NCKAP5: variants seen among roughly 807,000 people sequenced by gnomAD.
NCKAP5 encodes NCK associated protein 5, also known as nck-associated protein 5.
In NCKAP5, 92 loss-of-function variants were observed where a neutral mutation model predicts 167.0. That is an observed-to-expected ratio of 0.55 (90% CI 0.47 to 0.66). The LOEUF is 0.66. NCKAP5 is among the 30% of genes least tolerant of loss of function. The probability of loss-of-function intolerance (pLI) is 0.00; values close to 1 mark genes in which losing one functional copy is unlikely to be tolerated. For missense variants in NCKAP5, 2,378 were observed against 2,315.0 expected (o/e 1.03, Z -0.56); for synonymous variants, 891 against 877.4 (o/e 1.02, Z -0.27).
At chr2:132,975,605 G>A (rs1188582472) in intron 7 of NCKAP5, among the ~76,000 whole-genome samples, 1 of 152,166 alleles carries the variant, frequency 6.6e-6, no homozygotes, top group Non-Finnish European at 1.5e-5. Flanking sequence ...TTCATTAAAG[G>A]TATGCTCCAG....
At chr2:132,693,341 A>G (rs924445491) in intron 19 of NCKAP5, among the ~76,000 whole-genome samples, 1 of 152,158 alleles carries the variant, frequency 6.6e-6, no homozygotes, top group Non-Finnish European at 1.5e-5. Flanking sequence ...CCTCAATCCA[A>G]TATAACTGGG....
chr2:132,989,162 TGTTA>T (rs2077381589), intron 7 of NCKAP5, among the ~76,000 whole-genome samples: 1 of 152,224 alleles, frequency 6.6e-6, no homozygotes, highest in Non-Finnish European at 1.5e-5. Flanking sequence ...GGTAACCCTT[TGTTA>T]GTTCTGTGAT....
At chr2:133,651,797 C>T in the NCKAP5 span, among the ~76,000 whole-genome samples, 2 of 152,204 alleles carry the variant, frequency 1.3e-5, no homozygotes, top group African/African-American at 4.8e-5. Flanking sequence ...CATGTATACG[C>T]ATTCAATGGA....
At chr2:133,106,868 A>C (rs147806992) in intron 6 of NCKAP5, among the ~76,000 whole-genome samples, 460 of 152,296 alleles carry the variant, frequency 3.0e-3, no homozygotes, top group Non-Finnish European at 5.0e-3. Flanking sequence ...AAGGTCATTA[A>C]GCTCCTTATT....
At chr2:133,297,933 A>T (rs1574634673) in intron 4 of NCKAP5, among the ~76,000 whole-genome samples, 1 of 152,228 alleles carries the variant, frequency 6.6e-6, no homozygotes, top group East Asian at 1.9e-4. Context: ...GCATTTGTTT[A>T]ACTTCAGGCA....
chr2:133,531,950 T>C (rs1254412583), intron 2 of NCKAP5, among the ~76,000 whole-genome samples: 1 of 152,206 alleles, frequency 6.6e-6, no homozygotes, highest in East Asian at 1.9e-4. Flanking sequence ...TATTCTATCC[T>C]ACCTTCTCTC....
the NCKAP5 span, among the ~76,000 whole-genome samples, chr2:133,659,283 C>T: frequency 1.3e-5 from 2 of 152,114 alleles, no homozygotes; most frequent in South Asian, 4.2e-4. Context: ...ACTGGATATC[C>T]ACATGCAAAA....
intron 15 of NCKAP5, 138 bp downstream of exon 15, chr2:132,780,914 C>G: frequency 2.1e-6 from 2 of 944,578 alleles, no homozygotes. Context: ...TCTCTTTTTA[C>G]AAATCCTTTT....
intron 8 of NCKAP5, among the ~76,000 whole-genome samples, chr2:132,955,494 T>A (rs932334949): frequency 6.6e-6 from 1 of 152,194 alleles, no homozygotes; most frequent in Non-Finnish European, 1.5e-5. Context: ...AATTCATTCT[T>A]TTTTATGGCT....
chr2:133,625,097 A>G, the NCKAP5 span, among the ~76,000 whole-genome samples: 19 of 152,342 alleles, frequency 1.2e-4, no homozygotes, highest in African/African-American at 4.3e-4. Context: ...AATTGTTGGT[A>G]TTACATGGTT....
At chr2:133,013,024 T>C (rs1344605921) in intron 6 of NCKAP5, among the ~76,000 whole-genome samples, 1 of 152,186 alleles carries the variant, frequency 6.6e-6, no homozygotes, top group Non-Finnish European at 1.5e-5. Context: ...TCACCCCTTA[T>C]TATGCTTTCC....
the NCKAP5 span, among the ~76,000 whole-genome samples, chr2:133,587,449 G>A: frequency 1.1e-4 from 17 of 152,302 alleles, no homozygotes; most frequent in South Asian, 8.3e-4. Context: ...AGGTGACATC[G>A]GAATGGAAAA....
intron 3 of NCKAP5, among the ~76,000 whole-genome samples, chr2:133,375,464 T>C (rs1686079710): frequency 6.6e-6 from 1 of 152,196 alleles, no homozygotes; most frequent in Non-Finnish European, 1.5e-5. Context: ...CATGGGTACA[T>C]GTGAAGGATG....
chr2:133,323,682 G>A (rs966025850), intron 3 of NCKAP5, among the ~76,000 whole-genome samples: 1 of 152,210 alleles, frequency 6.6e-6, no homozygotes. Flanking sequence ...TGGAGCAGGA[G>A]ATGGGGGCGC....
At chr2:132,802,860 A>G (rs547036008) in intron 11 of NCKAP5, among the ~76,000 whole-genome samples, 26 of 152,338 alleles carry the variant, frequency 1.7e-4, no homozygotes, top group African/African-American at 5.8e-4. Flanking sequence ...CATTTTTGCC[A>G]CACTGAGAAG....
intron 5 of NCKAP5, among the ~76,000 whole-genome samples, chr2:133,193,476 A>C (rs1464990075): frequency 1.3e-5 from 2 of 152,136 alleles, no homozygotes; most frequent in African/African-American, 4.8e-5. Flanking sequence ...TCTAGCAATG[A>C]AAACATCTGT....
chr2:133,597,673 C>CAAAAAAAAAAAAAAAAAAAAAAAAAAA, the NCKAP5 span, among the ~76,000 whole-genome samples: 3 of 61,122 alleles, frequency 4.9e-5, no homozygotes, highest in African/African-American at 1.3e-4. Context: ...GACTCTGTCT[C>CAAAAAAAAAAAAAAAAAAAAAAAAAAA]AAAAAAAAAA....
chr2:133,418,291 A>T (rs1195553689), intron 3 of NCKAP5, among the ~76,000 whole-genome samples: 1 of 152,154 alleles, frequency 6.6e-6, no homozygotes, highest in East Asian at 1.9e-4. Flanking sequence ...CAGCTAAACA[A>T]CTCTGAGACT....
chr2:133,387,497 C>T (rs1195664361), intron 3 of NCKAP5, among the ~76,000 whole-genome samples: 1 of 152,176 alleles, frequency 6.6e-6, no homozygotes, highest in East Asian at 1.9e-4. Flanking sequence ...TTCCTTTCAA[C>T]TTTGATGAAT....
Sources: gnomAD v4.1 joint callset for allele counts (sites outside exome capture counted in the v4.1 genomes callset) on GRCh38, gnomAD v4.1.1 for gene constraint, MANE v1.5 for transcripts, NCBI Gene and HGNC (gene_info 2026-07-23, HGNC 2026-07-21) for gene names.